ANGPT2: variants seen among roughly 807,000 people sequenced by gnomAD.
The protein encoded by ANGPT2 is angiopoietin-2.
A neutral mutation model predicts 62.9 loss-of-function variants in ANGPT2; 28 were observed. That is an observed-to-expected ratio of 0.44 (90% CI 0.33 to 0.61). ANGPT2 has a LOEUF of 0.61. Ranked by LOEUF, ANGPT2 falls within the 20% of genes least tolerant of loss-of-function variation. ANGPT2 has a pLI of 0.03. For missense variants in ANGPT2, 727 were observed against 594.9 expected, an observed-to-expected ratio of 1.22 and a Z score of -2.31; for synonymous variants, 284 against 207.8, an observed-to-expected ratio of 1.37 and a Z score of -3.15.
intron 1 of ANGPT2, among the ~76,000 whole-genome samples, chr8:6,549,666 G>T (rs1823266986): frequency 6.8e-6 from 1 of 146,590 alleles, no homozygotes; most frequent in Non-Finnish European, 1.5e-5. Context: ...GGAGCTGCCT[G>T]CAGGGGAAGA....
intron 1 of ANGPT2, among the ~76,000 whole-genome samples, chr8:6,550,128 A>G (rs1018078234): frequency 1.4e-4 from 21 of 152,168 alleles, no homozygotes; most frequent in African/African-American, 3.9e-4. Flanking sequence ...TATACCAACT[A>G]TCGTGCCTCC....
Position 6,563,028 on chromosome 8 carries a change from T to C in ANGPT2, c.-94A>G. 7.4e-7 allele frequency: 1 copy of C among 1,359,026 alleles called. No individual in the cohort carries two copies. The highest frequency in any genetic ancestry group is 2.4e-5 in the East Asian group (1 of 41,692). 84.2% of individuals were successfully genotyped at this position (1,359,026 alleles called of 1,614,324 possible). A position where few individuals can be genotyped will look rare whatever the true frequency, so the allele number is the denominator to read the frequency against. ...GCTGCCGTCTAAAACGCAGGGCTGC[T>C]ACGCTGCCATGGCTGGGTCCGTCAA... On this transcript the variant is annotated 5_prime_UTR_variant, in exon 1 of 9. It removes the in-frame stop codon of an upstream open reading frame in the 5' UTR. Coordinates refer to ENST00000629816, the MANE Select transcript of ANGPT2 (RefSeq NM_001118887.2).
At chr8:6,515,529 A>G (rs80107435) in intron 5 of ANGPT2, among the ~76,000 whole-genome samples, 2,159 of 152,322 alleles carry the variant, frequency 0.014, 47 homozygotes, top group African/African-American at 0.042. Context: ...GTGGGTTTAA[A>G]CTTTGTCCAG....
intron 1 of ANGPT2, among the ~76,000 whole-genome samples, chr8:6,551,325 A>G (rs770641595): frequency 1.2e-4 from 19 of 152,204 alleles, no homozygotes; most frequent in African/African-American, 3.6e-4. Context: ...TGTGCCATCA[A>G]TTAATTCTAT....
intron 3 of ANGPT2, among the ~76,000 whole-genome samples, chr8:6,527,039 A>G (rs184284148): frequency 3.3e-5 from 5 of 152,368 alleles, no homozygotes; most frequent in East Asian, 3.9e-4. Flanking sequence ...TAGCTTTCAT[A>G]CTATAGACCA....
rs201521195 is a variant in ANGPT2 at position 6,562,747 on chromosome 8, T to C, written c.188A>G (p.Asn63Ser). Residue 63 changes from asparagine (N) to serine (S), a missense_variant, in exon 1 of 9, where the codon AAT (asparagine) becomes AGT (serine). Transcript: ENST00000629816. ...GAGCGGCGCGTCCCTCTGCACAGCA[T>C]TGGACACGTAGGGGCTGGAGGAAGA... ...CRSSSSPYVS[N>S]AVQRDAPLEY... The C allele has an allele frequency of 3.7e-6, 6 of 1,613,864 alleles. No homozygotes were observed. The highest frequency in any genetic ancestry group is 2.2e-5 in the East Asian group (1 of 44,854).
At chr8:6,514,550 C>A (rs1815856430) in intron 6 of ANGPT2, 127 bp downstream of exon 6, 2 of 802,200 alleles carry the variant, frequency 2.5e-6, no homozygotes. Flanking sequence ...GAGACTGAAG[C>A]ACCAATTTTA....
intron 1 of ANGPT2, among the ~76,000 whole-genome samples, chr8:6,561,071 A>T (rs910621280): frequency 6.6e-6 from 1 of 152,226 alleles, no homozygotes; most frequent in African/African-American, 2.4e-5. Flanking sequence ...AGGAAGTTCA[A>T]GTTAAGCAGA....
Position 6,505,325 on chromosome 8 carries a change from A to G in ANGPT2, c.1328-2064T>C, listed in dbSNP as rs1205478422. 1.1e-4 allele frequency among the ~76,000 whole-genome samples: 6 copies of G among 55,998 alleles called. 1 individual carries two copies. Among genetic ancestry groups the G allele is most frequent in the African/African-American group, 5.4e-4 (5 of 9,260 alleles). The allele number at this position is 55,998 out of a possible 152,430, so 36.7% of individuals were successfully genotyped here. A position where few individuals can be genotyped will look rare whatever the true frequency, so the allele number is the denominator to read the frequency against. On this transcript the variant is annotated intron_variant, in intron 8 of 8. Transcript: ENST00000629816. ...TATGTATATAACATATATATGTTAT[A>G]TACATATAGAAAGAATATATATATT...
intron 7 of ANGPT2, among the ~76,000 whole-genome samples, chr8:6,510,703 G>C (rs186262288): frequency 1.3e-5 from 2 of 152,306 alleles, no homozygotes; most frequent in Admixed American, 6.5e-5. Flanking sequence ...CCTCTGCCGT[G>C]TTTCAACACT....
chr8:6,514,416 T>C (rs1209023411), intron 6 of ANGPT2, among the ~76,000 whole-genome samples: 1 of 152,148 alleles, frequency 6.6e-6, no homozygotes, highest in Non-Finnish European at 1.5e-5. Context: ...CTCAAACTCC[T>C]GACCTCAGGT....
intron 2 of ANGPT2, among the ~76,000 whole-genome samples, chr8:6,530,934 A>T (rs1178517093): frequency 6.6e-6 from 1 of 152,100 alleles, no homozygotes; most frequent in Admixed American, 6.6e-5. Context: ...GCATTTCTTG[A>T]TCCTTTTTGC....
At chr8:6,538,997 G>A (rs1237630786) in intron 1 of ANGPT2, among the ~76,000 whole-genome samples, 1 of 151,290 alleles carries the variant, frequency 6.6e-6, no homozygotes. Flanking sequence ...TGGCAAAACT[G>A]GGCTCTCCTC....
At chr8:6,524,992 A>G (rs928516533) in intron 3 of ANGPT2, among the ~76,000 whole-genome samples, 1 of 152,234 alleles carries the variant, frequency 6.6e-6, no homozygotes, top group Admixed American at 6.5e-5. Flanking sequence ...CTAGGTGAAT[A>G]TCTATCTAAA....
rs1229095886 is a variant in ANGPT2 at position 6,513,707 on chromosome 8, G to A, written c.1167C>T (p.Phe389=). 6.2e-7 allele frequency: 1 copy of A among 1,612,932 alleles called. No individual in the cohort carries two copies. The highest frequency in any genetic ancestry group is 8.5e-7 in the Non-Finnish European group (1 of 1,179,694). The change falls in exon 7 of 9, where the codon TTC becomes TTT. Residue 389 remains phenylalanine (F), a synonymous_variant. Coordinates refer to ENST00000629816, the MANE Select transcript of ANGPT2 (RefSeq NM_001118887.2). ...AATTGAGTTCTTCACTTGAGAGATA[G>A]AAATGTTCATACAATGAGTAAGCCT... The part of the protein sequence containing the change: ...GNEAYSLYEH[F]YLSSEELNYR...
At chr8:6,523,391 A>G (rs956822820) in intron 3 of ANGPT2, among the ~76,000 whole-genome samples, 2 of 152,226 alleles carry the variant, frequency 1.3e-5, no homozygotes, top group African/African-American at 2.4e-5. Context: ...TGCCTTCCTA[A>G]TTTCAACTTA....
chr8:6,506,472 T>C (rs775314893), intron 8 of ANGPT2, among the ~76,000 whole-genome samples: 1 of 152,198 alleles, frequency 6.6e-6, no homozygotes, highest in Non-Finnish European at 1.5e-5. Context: ...GCAATTCTCC[T>C]ACTCTCCTGA....
intron 1 of ANGPT2, among the ~76,000 whole-genome samples, chr8:6,545,484 T>G (rs529104506): frequency 6.6e-6 from 1 of 152,374 alleles, no homozygotes; most frequent in African/African-American, 2.4e-5. Context: ...AGCACCTAAA[T>G]AATGCCTAAT....
At position 6,503,053 on chromosome 8, in the gene ANGPT2, A is replaced by G. The variant is rs758513797; in HGVS notation, c.*48T>C. ...CCGTGACTTTCAGTGCACTGGGCTT[A>G]AGTCTTTGAAAATAGTTCGAGACAG... On this transcript the variant is annotated 3_prime_UTR_variant, in exon 9 of 9. Transcript: ENST00000629816. 1 of 1,608,080 alleles carries G rather than the reference A, an allele frequency of 6.2e-7. No homozygotes were observed. Among genetic ancestry groups the G allele is most frequent in the Non-Finnish European group, 8.5e-7 (1 of 1,176,460 alleles).
Sources: gnomAD v4.1 joint callset for allele counts (sites outside exome capture counted in the v4.1 genomes callset) on GRCh38, gnomAD v4.1.1 for gene constraint, MANE v1.5 for transcripts, NCBI Gene and HGNC (gene_info 2026-07-23, HGNC 2026-07-21) for gene names.